Variants in CTNNA3 observed in about 807,000 individuals in gnomAD.
The protein encoded by CTNNA3 is catenin alpha 3, also known as catenin alpha-3.
CTNNA3 carries 76 observed loss-of-function variants against 95.7 expected under a neutral mutation model. The observed-to-expected ratio is 0.79, with a 90% CI of 0.66 to 0.96. CTNNA3 has a LOEUF of 0.96. Among genes scored for constraint, CTNNA3 ranks in the 40% least tolerant of loss-of-function variants. The pLI, the probability that CTNNA3 is intolerant of heterozygous loss-of-function variation, is 0.00. For synonymous variants in CTNNA3, 431 were observed against 374.4 expected (o/e 1.15, Z -1.74); for missense variants, 1,191 against 1,089.8 (o/e 1.09, Z -1.31).
At chr10:65,923,260 A>T (rs2077117699) in intron 17 of CTNNA3, among the ~76,000 whole-genome samples, 1 of 152,218 alleles carries the variant, frequency 6.6e-6, no homozygotes, top group Non-Finnish European at 1.5e-5. Context: ...AGACTTAAGG[A>T]TATTTGTAGT....
At chr10:66,262,424 A>G (rs2091033282) in intron 13 of CTNNA3, among the ~76,000 whole-genome samples, 1 of 151,758 alleles carries the variant, frequency 6.6e-6, no homozygotes, top group African/African-American at 2.4e-5. Flanking sequence ...TGTTTTGCTT[A>G]CCTAAGGAAA....
At chr10:65,921,536 T>G (rs2133110069) in intron 17 of CTNNA3, among the ~76,000 whole-genome samples, 1 of 152,358 alleles carries the variant, frequency 6.6e-6, no homozygotes. Context: ...TCCCTATAGT[T>G]TGGATTCAAG....
chr10:65,929,290 T>A (rs1475967460), intron 17 of CTNNA3, among the ~76,000 whole-genome samples: 3 of 152,140 alleles, frequency 2.0e-5, no homozygotes, highest in African/African-American at 7.2e-5. Context: ...GGACATTTAT[T>A]AAAAACTAAC....
chr10:66,419,678 C>T (rs2093176015), intron 11 of CTNNA3, among the ~76,000 whole-genome samples: 1 of 152,016 alleles, frequency 6.6e-6, no homozygotes, highest in Non-Finnish European at 1.5e-5. Flanking sequence ...TTGGCATTGG[C>T]ATAAAAATAG....
At chr10:66,474,919 T>C (rs893395395) in intron 11 of CTNNA3, among the ~76,000 whole-genome samples, 3 of 152,050 alleles carry the variant, frequency 2.0e-5, no homozygotes, top group Admixed American at 6.6e-5. Context: ...TTTTGCTTTG[T>C]TTTTTGCTAT....
chr10:66,008,084 A>C (rs1363246126), intron 15 of CTNNA3, among the ~76,000 whole-genome samples: 4 of 152,120 alleles, frequency 2.6e-5, no homozygotes, highest in Non-Finnish European at 5.9e-5. Flanking sequence ...CCGGGCTGAG[A>C]AGGCTGCCTT....
At chr10:66,435,830 C>A (rs2093333214) in intron 11 of CTNNA3, among the ~76,000 whole-genome samples, 1 of 152,154 alleles carries the variant, frequency 6.6e-6, no homozygotes, top group African/African-American at 2.4e-5. Flanking sequence ...CTATAAATTT[C>A]CCTCTAAACA....
intron 15 of CTNNA3, among the ~76,000 whole-genome samples, chr10:66,044,598 A>T (rs979278126): frequency 1.3e-5 from 2 of 151,928 alleles, no homozygotes; most frequent in Admixed American, 1.3e-4. Context: ...TTTTGGCCAA[A>T]ATGTTTTTAT....
chr10:65,950,033 G>C (rs1314455184), intron 17 of CTNNA3, among the ~76,000 whole-genome samples: 1 of 152,098 alleles, frequency 6.6e-6, no homozygotes, highest in African/African-American at 2.4e-5. Context: ...CTGTGGAACA[G>C]ATGAAAGCAT....
chr10:66,888,530 G>C (rs957623063), intron 7 of CTNNA3, among the ~76,000 whole-genome samples: 3 of 149,022 alleles, frequency 2.0e-5, no homozygotes, highest in African/African-American at 7.5e-5. Context: ...AGGCCTTTCA[G>C]GTCATGGTAG....
intron 7 of CTNNA3, among the ~76,000 whole-genome samples, chr10:67,132,208 A>G (rs935694687): frequency 2.6e-5 from 4 of 152,142 alleles, no homozygotes; most frequent in Non-Finnish European, 4.4e-5. Flanking sequence ...GGTGCTAAAT[A>G]CATTGCAAAG....
chr10:66,503,105 G>T (rs80339636), intron 11 of CTNNA3, among the ~76,000 whole-genome samples: 5,162 of 152,108 alleles, frequency 0.034, 139 homozygotes, highest in Non-Finnish European at 0.054. Context: ...TTTAACACTG[G>T]CCTGCCAATA....
intron 10 of CTNNA3, among the ~76,000 whole-genome samples, chr10:66,578,194 AGGT>A (rs1173698793): frequency 2.6e-5 from 4 of 151,976 alleles, no homozygotes; most frequent in Non-Finnish European, 4.4e-5. Flanking sequence ...AACTTTACTA[AGGT>A]CATTTATCAG....
At chr10:67,264,809 T>C (rs1008732773) in intron 5 of CTNNA3, among the ~76,000 whole-genome samples, 2 of 152,168 alleles carry the variant, frequency 1.3e-5, no homozygotes, top group Admixed American at 6.6e-5. Flanking sequence ...AAGTACAATA[T>C]ACATCCCAAA....
chr10:67,724,415 A>G (rs1441305177), intron 1 of CTNNA3, among the ~76,000 whole-genome samples: 5 of 152,202 alleles, frequency 3.3e-5, no homozygotes, highest in Admixed American at 2.0e-4. Context: ...CCAATTTCGC[A>G]TTCAGTTACA....
chr10:67,580,131 T>C (rs944090456), intron 3 of CTNNA3, among the ~76,000 whole-genome samples: 1 of 152,218 alleles, frequency 6.6e-6, no homozygotes, highest in African/African-American at 2.4e-5. Flanking sequence ...TCCTTGCCTG[T>C]GCCTATGTCC....
intron 13 of CTNNA3, among the ~76,000 whole-genome samples, chr10:66,129,962 C>T (rs1161171541): frequency 2.0e-5 from 3 of 152,120 alleles, no homozygotes; most frequent in Admixed American, 1.3e-4. Flanking sequence ...GGTACCCCAC[C>T]ACCCTTCTCC....
chr10:65,949,261 T>C (rs960175369), intron 17 of CTNNA3, among the ~76,000 whole-genome samples: 3 of 152,234 alleles, frequency 2.0e-5, no homozygotes, highest in African/African-American at 7.2e-5. Context: ...ATTCACATTT[T>C]CGCTCCATCA....
chr10:67,716,721 T>C (rs890971898), intron 1 of CTNNA3, among the ~76,000 whole-genome samples: 3 of 152,220 alleles, frequency 2.0e-5, no homozygotes, highest in Non-Finnish European at 2.9e-5. Flanking sequence ...CAGTCTATCA[T>C]TGATGGGCAT....
Sources: allele counts gnomAD v4.1 joint callset (sites outside exome capture counted in the v4.1 genomes callset), GRCh38; gene constraint gnomAD v4.1.1; transcripts MANE v1.5; gene names NCBI Gene and HGNC (gene_info 2026-07-23, HGNC 2026-07-21).